Variants in OSBPL10 observed in about 807,000 individuals in gnomAD.
The protein encoded by OSBPL10 is oxysterol-binding protein-related protein 10.
OSBPL10 carries 49 observed loss-of-function variants against 81.7 expected under a neutral mutation model. The observed-to-expected ratio is 0.60, with a 90% CI of 0.48 to 0.76. The LOEUF is 0.76. Ranked by LOEUF, OSBPL10 falls within the 30% of genes least tolerant of loss-of-function variation. The probability of loss-of-function intolerance (pLI) is 0.00; values close to 1 mark genes in which losing one functional copy is unlikely to be tolerated. For synonymous variants in OSBPL10, 419 were observed against 383.6 expected, an observed-to-expected ratio of 1.09 and a Z score of -1.08; for missense variants, 923 against 987.8, an observed-to-expected ratio of 0.93 and a Z score of 0.88.
At chr3:31,702,580 A>T in intron 6 of OSBPL10, 72 bp from the exon 7 acceptor site, 1 of 1,583,234 alleles carries the variant, frequency 6.3e-7, no homozygotes, top group Non-Finnish European at 8.6e-7. Flanking sequence ...ATGAATTCAC[A>T]TGCTTTGCAA....
chr3:31,936,883 T>C (rs1697392238), intron 1 of OSBPL10, among the ~76,000 whole-genome samples: 1 of 152,154 alleles, frequency 6.6e-6, no homozygotes, highest in African/African-American at 2.4e-5. Context: ...AGGCACTGAA[T>C]GGAACTGAAA....
chr3:31,758,289 T>C (rs1477266580), intron 4 of OSBPL10, among the ~76,000 whole-genome samples: 1 of 152,196 alleles, frequency 6.6e-6, no homozygotes, highest in Non-Finnish European at 1.5e-5. Context: ...TGTCTTTTGT[T>C]ACAGAGGTCC....
chr3:31,768,191 G>C (rs1260411316), intron 4 of OSBPL10, among the ~76,000 whole-genome samples: 1 of 152,110 alleles, frequency 6.6e-6, no homozygotes, highest in Non-Finnish European at 1.5e-5. Flanking sequence ...GTGTCTCTTA[G>C]CATGTTAATG....
chr3:31,918,806 C>G (rs561200431), intron 1 of OSBPL10, among the ~76,000 whole-genome samples: 1 of 152,254 alleles, frequency 6.6e-6, no homozygotes, highest in South Asian at 2.1e-4. Flanking sequence ...GTAATTTGTA[C>G]ATATTCAGAT....
chr3:31,919,183 C>A (rs1696842265), intron 1 of OSBPL10, among the ~76,000 whole-genome samples: 1 of 152,206 alleles, frequency 6.6e-6, no homozygotes, highest in Non-Finnish European at 1.5e-5. Context: ...CCACTCCTTT[C>A]TTTGCCTCTT....
intron 4 of OSBPL10, among the ~76,000 whole-genome samples, chr3:31,769,208 C>T: frequency 6.6e-6 from 1 of 151,850 alleles, no homozygotes; most frequent in Non-Finnish European, 1.5e-5. Flanking sequence ...TTTGGGAGGC[C>T]GAGGCGGGCA....
chr3:31,754,686 G>A (rs564427426), intron 4 of OSBPL10, among the ~76,000 whole-genome samples: 4 of 152,270 alleles, frequency 2.6e-5, no homozygotes, highest in East Asian at 3.9e-4. Flanking sequence ...TTTGCAGACC[G>A]TATGTTCTCT....
chr3:31,661,203 T>C lies in OSBPL10; in HGVS notation c.*869A>G, dbSNP rs1700065398. 1 of 152,576 alleles carries C rather than the reference T, an allele frequency of 6.6e-6. No homozygotes were observed. Among genetic ancestry groups the C allele is most frequent in the South Asian group, 2.1e-4 (1 of 4,828 alleles). The allele number at this position is 152,576 out of a possible 1,614,324, so 9.5% of individuals were successfully genotyped here. A position where few individuals can be genotyped will look rare whatever the true frequency, so the allele number is the denominator to read the frequency against. ...TAATCCACAGGAAATTCTCTTCTCTTTCCCCAAACTAAATACAAGATTGAG... is the reference window on the plus strand; with the variant it reads ...TAATCCACAGGAAATTCTCTTCTCTCTCCCCAAACTAAATACAAGATTGAG... On this transcript the variant is annotated 3_prime_UTR_variant, in exon 12 of 12. Coordinates refer to ENST00000396556, the MANE Select transcript of OSBPL10 (RefSeq NM_017784.5).
intron 6 of OSBPL10, among the ~76,000 whole-genome samples, chr3:31,721,197 C>G (rs1286733718): frequency 6.6e-6 from 1 of 152,142 alleles, no homozygotes; most frequent in Non-Finnish European, 1.5e-5. Context: ...CTGGGAAAGC[C>G]AAGGAAACAG....
intron 1 of OSBPL10, among the ~76,000 whole-genome samples, chr3:31,898,143 T>C (rs1238562886): frequency 6.6e-6 from 1 of 151,402 alleles, no homozygotes; most frequent in African/African-American, 2.4e-5. Flanking sequence ...GTAGGAAATA[T>C]AGATACATTG....
At chr3:31,812,637 A>G (rs1029833510) in intron 4 of OSBPL10, among the ~76,000 whole-genome samples, 4 of 151,362 alleles carry the variant, frequency 2.6e-5, no homozygotes, top group Non-Finnish European at 5.9e-5. Context: ...AATCTTCACC[A>G]CACCTTCTCA....
intron 3 of OSBPL10, among the ~76,000 whole-genome samples, chr3:31,851,643 C>T (rs549783086): frequency 2.0e-5 from 3 of 152,360 alleles, no homozygotes; most frequent in Admixed American, 6.5e-5. Context: ...GTCAGTGCAA[C>T]ACAGAGCACA....
intron 2 of OSBPL10, among the ~76,000 whole-genome samples, chr3:32,008,193 A>G (rs1418576120): frequency 8.0e-6 from 1 of 125,042 alleles, no homozygotes; most frequent in Non-Finnish European, 1.6e-5. Flanking sequence ...TTTTTTTTTG[A>G]GACAAGTCTC....
At chr3:31,885,995 C>CAAAAAA (rs397957994) in intron 1 of OSBPL10, among the ~76,000 whole-genome samples, 8 of 62,388 alleles carry the variant, frequency 1.3e-4, no homozygotes, top group Admixed American at 2.5e-4. Context: ...AACTCCATCT[C>CAAAAAA]AAAAAAAAAA....
At chr3:31,671,005 A>AGTTAGGCAT in intron 8 of OSBPL10, 22 bp from the exon 9 acceptor site, 1 of 1,586,184 alleles carries the variant, frequency 6.3e-7, no homozygotes, top group Non-Finnish European at 8.6e-7. Context: ...GAGGAGGGAG[A>AGTTAGGCAT]GTTAGGCATG....
chr3:32,052,799 G>A (rs765361606), intron 1 of OSBPL10, among the ~76,000 whole-genome samples: 2 of 152,052 alleles, frequency 1.3e-5, no homozygotes, highest in Admixed American at 1.3e-4. Flanking sequence ...ATTGGGGCCT[G>A]TCAGGAGTTG....
intron 6 of OSBPL10, among the ~76,000 whole-genome samples, chr3:31,708,553 C>G (rs1202619165): frequency 6.6e-6 from 1 of 152,224 alleles, no homozygotes; most frequent in African/African-American, 2.4e-5. Context: ...GGAAATTTCA[C>G]TTGGCCTTCT....
intron 6 of OSBPL10, among the ~76,000 whole-genome samples, chr3:31,703,286 T>A (rs1362478485): frequency 6.6e-6 from 1 of 152,222 alleles, no homozygotes; most frequent in Non-Finnish European, 1.5e-5. Flanking sequence ...TAACTTGCCC[T>A]CAGAATTCTA....
At position 31,745,596 on chromosome 3, in the gene OSBPL10, T is replaced by C. The variant is rs569991818; in HGVS notation, c.940+2314A>G. Reference sequence around the variant, plus strand: ...AGCCCACTGAGTGGTTGTTCTAGATTGAACAAAGAACCCCAGGCCGGGAAG... The same window carrying C: ...AGCCCACTGAGTGGTTGTTCTAGATCGAACAAAGAACCCCAGGCCGGGAAG... On this transcript the variant is annotated intron_variant, in intron 5 of 11. Transcript: ENST00000396556. 2.2e-3 allele frequency among the ~76,000 whole-genome samples: 330 copies of C among 152,262 alleles called. 2 individuals carry two copies. The highest frequency in any genetic ancestry group is 7.6e-3 in the African/African-American group (315 of 41,552).
Sources: gnomAD v4.1 joint callset for allele counts (sites outside exome capture counted in the v4.1 genomes callset) on GRCh38, gnomAD v4.1.1 for gene constraint, MANE v1.5 for transcripts, NCBI Gene and HGNC (gene_info 2026-07-23, HGNC 2026-07-21) for gene names.